The following DSCAM variants were observed in gnomAD, a reference collection of about 807,000 sequenced individuals.
DSCAM encodes cell adhesion molecule DSCAM.
DSCAM carries 47 observed loss-of-function variants against 217.7 expected under a neutral mutation model. The ratio of observed to expected loss-of-function variants is 0.22; its 90% CI spans 0.17 to 0.28. The LOEUF is 0.28. DSCAM is among the 10% of genes least tolerant of loss of function. The pLI, the probability that DSCAM is intolerant of heterozygous loss-of-function variation, is 1.00. For missense variants in DSCAM, 2,080 were observed against 2,618.3 expected, an observed-to-expected ratio of 0.79 and a Z score of 4.49; for synonymous variants, 1,056 against 1,015.3, an observed-to-expected ratio of 1.04 and a Z score of -0.76.
In DSCAM at chr21:40,554,473, C is replaced by T. The variant is rs530700903; in HGVS notation, c.508+138337G>A. ...TTCAGGGACCCCTCAAGTCCTTCAC[C>T]TTGTGGACAATTTTGGGGAAATGAG... On this transcript the variant is annotated intron_variant, in intron 3 of 32. Transcript: ENST00000400454. 1.6e-3 allele frequency among the ~76,000 whole-genome samples: 251 copies of T among 152,226 alleles called. 2 individuals carry two copies. The highest frequency in any genetic ancestry group is 5.6e-3 in the African/African-American group (234 of 41,536).
At chr21:40,588,715 G>GA (rs2076963442) in intron 3 of DSCAM, among the ~76,000 whole-genome samples, 1 of 151,638 alleles carries the variant, frequency 6.6e-6, no homozygotes, top group Non-Finnish European at 1.5e-5. Flanking sequence ...CTAGACGAAA[G>GA]AAAAAAAGAC....
chr21:40,585,162 G>T (rs4346468), intron 3 of DSCAM, among the ~76,000 whole-genome samples: 66,989 of 149,242 alleles, frequency 0.45, 15,828 homozygotes, highest in Admixed American at 0.55. Flanking sequence ...CTGTAGAACC[G>T]CGAGACAAAT....
chr21:40,706,990 C>T (rs922690512), intron 2 of DSCAM, among the ~76,000 whole-genome samples: 4 of 152,150 alleles, frequency 2.6e-5, no homozygotes, highest in Non-Finnish European at 2.9e-5. Context: ...GTAGCACAGA[C>T]GCCAGACAAG....
chr21:40,481,520 ACT>A (rs1260089575), intron 3 of DSCAM, among the ~76,000 whole-genome samples: 1 of 106,756 alleles, frequency 9.4e-6, no homozygotes, highest in Admixed American at 1.3e-4. Context: ...ACAGAGCAAG[ACT>A]CTGTCTCCAA....
At chr21:40,801,872 C>T (rs1038635604) in intron 1 of DSCAM, among the ~76,000 whole-genome samples, 1 of 152,022 alleles carries the variant, frequency 6.6e-6, no homozygotes, top group Non-Finnish European at 1.5e-5. Context: ...GGGGCCCAGG[C>T]AGGGACTTGT....
chr21:40,395,067 T>A (rs1184749022), intron 3 of DSCAM, among the ~76,000 whole-genome samples: 2 of 152,218 alleles, frequency 1.3e-5, no homozygotes, highest in Non-Finnish European at 2.9e-5. Context: ...GTCAGTGTAA[T>A]TGACGAAAAA....
intron 15 of DSCAM, among the ~76,000 whole-genome samples, chr21:40,169,134 A>T (rs1177358682): frequency 6.6e-6 from 1 of 152,114 alleles, no homozygotes; most frequent in Non-Finnish European, 1.5e-5. Context: ...CTATGGAGTG[A>T]GTGGGGCAAA....
At chr21:40,537,888 G>A (rs1174266395) in intron 3 of DSCAM, among the ~76,000 whole-genome samples, 1 of 152,222 alleles carries the variant, frequency 6.6e-6, no homozygotes, top group African/African-American at 2.4e-5. Context: ...ACAAACCAAC[G>A]CTTCCCAAGC....
intron 3 of DSCAM, among the ~76,000 whole-genome samples, chr21:40,559,197 G>A (rs1267470125): frequency 2.6e-5 from 4 of 152,186 alleles, no homozygotes; most frequent in African/African-American, 9.6e-5. Flanking sequence ...GGTGGCTCAA[G>A]CCTGTAATCC....
chr21:40,659,353 G>C (rs60864735), intron 3 of DSCAM, among the ~76,000 whole-genome samples: 1 of 148,394 alleles, frequency 6.7e-6, no homozygotes, highest in Non-Finnish European at 1.5e-5. Flanking sequence ...GATCAGATGA[G>C]TATCTATCTA....
intron 3 of DSCAM, among the ~76,000 whole-genome samples, chr21:40,447,285 C>T (rs2075682981): frequency 6.6e-6 from 1 of 152,216 alleles, no homozygotes; most frequent in Non-Finnish European, 1.5e-5. Context: ...AAACCTAACA[C>T]TGACAATTTC....
chr21:40,382,309 T>C (rs2075034601), intron 3 of DSCAM, among the ~76,000 whole-genome samples: 1 of 152,146 alleles, frequency 6.6e-6, no homozygotes, highest in African/African-American at 2.4e-5. Flanking sequence ...CTTTGCCTCA[T>C]CCTGACATTC....
chr21:40,311,968 T>TTTTTTTTA, intron 9 of DSCAM, 113 bp downstream of exon 9: 1 of 219,390 alleles, frequency 4.6e-6, no homozygotes, highest in Admixed American at 4.7e-5. Flanking sequence ...TTTAGTGAGA[T>TTTTTTTTA]AAAACTGAAT....
chr21:40,290,220 T>C (rs7277572), intron 10 of DSCAM, among the ~76,000 whole-genome samples: 8,212 of 152,168 alleles, frequency 0.054, 749 homozygotes, highest in African/African-American at 0.19. Flanking sequence ...ATACAATTCA[T>C]GGGAAAAATA....
At chr21:40,597,274 A>G (rs1310672590) in intron 3 of DSCAM, among the ~76,000 whole-genome samples, 1 of 152,134 alleles carries the variant, frequency 6.6e-6, no homozygotes, top group African/African-American at 2.4e-5. Context: ...CAGGGTAAAG[A>G]AAAATAATCT....
rs1034172026 is a variant in DSCAM, at chr21:40,164,287, C to T, written c.3018+2931G>A. ...AGCAGGAATGGACAGGAGAGGTAAG[C>T]ATGTTACAAACTGCCTGAACACTGA... is the stretch of plus-strand genomic sequence containing the variant. On this transcript the variant is annotated intron_variant, in intron 16 of 32. Transcript: ENST00000400454. Among the ~76,000 whole-genome samples, 23 of 152,120 alleles carry T rather than the reference C, an allele frequency of 1.5e-4. 1 individual carries two copies. Among genetic ancestry groups the T allele is most frequent in the Admixed American group, 6.5e-4 (10 of 15,288 alleles).
chr21:40,846,869 C>A lies in DSCAM; in HGVS notation c.-208G>T. On this transcript the variant is annotated 5_prime_UTR_variant, in exon 1 of 33. Transcript: ENST00000400454. ...GGCTGCGCTCGCCGCGCGCTGCGCT[C>A]CTGCACACCTGCTCCCGGGCGCCGC... is the stretch of plus-strand genomic sequence containing the variant. 6.6e-6 allele frequency: 1 copy of A among 150,986 alleles called. No individual in the cohort carries two copies. Among genetic ancestry groups the A allele is most frequent in the South Asian group, 2.1e-4 (1 of 4,878 alleles). 9.4% of individuals were successfully genotyped at this position (150,986 alleles called of 1,614,324 possible). A position where few individuals can be genotyped will look rare whatever the true frequency, so the allele number is the denominator to read the frequency against.
At chr21:40,587,151 G>A (rs1190060972) in intron 3 of DSCAM, among the ~76,000 whole-genome samples, 4 of 152,104 alleles carry the variant, frequency 2.6e-5, no homozygotes, top group Non-Finnish European at 5.9e-5. Context: ...TGAAACAAGG[G>A]TCCATTGGAG....
chr21:40,396,376 T>A (rs1030936205), intron 3 of DSCAM, among the ~76,000 whole-genome samples: 1 of 152,174 alleles, frequency 6.6e-6, no homozygotes, highest in African/African-American at 2.4e-5. Context: ...TCAGTTAGAT[T>A]GGATTTAGGG....
Sources: allele counts gnomAD v4.1 joint callset (sites outside exome capture counted in the v4.1 genomes callset), GRCh38; gene constraint gnomAD v4.1.1; transcripts MANE v1.5; gene names NCBI Gene and HGNC (gene_info 2026-07-23, HGNC 2026-07-21).